The following NFIA variants were observed in gnomAD, a reference collection of about 807,000 sequenced individuals.
NFIA encodes nuclear factor I A, also known as nuclear factor 1 A-type.
In NFIA, 8 loss-of-function variants were observed where a neutral mutation model predicts 62.8. That is an observed-to-expected ratio of 0.13 (90% CI 0.07 to 0.23). The LOEUF is 0.23. Ranked by LOEUF, NFIA falls within the 10% of genes least tolerant of loss-of-function variation. The pLI is 1.00. For synonymous variants in NFIA, 235 were observed against 238.1 expected, an observed-to-expected ratio of 0.99 and a Z score of 0.12; for missense variants, 410 against 642.1, an observed-to-expected ratio of 0.64 and a Z score of 3.91.
chr1:61,403,691 A>G (rs903515752), intron 7 of NFIA, among the ~76,000 whole-genome samples: 2 of 152,230 alleles, frequency 1.3e-5, no homozygotes, highest in East Asian at 1.9e-4. Flanking sequence ...ATTATTGTCT[A>G]TGGATAGCTC....
intron 2 of NFIA, among the ~76,000 whole-genome samples, chr1:61,211,835 T>C (rs887935431): frequency 3.3e-5 from 5 of 152,190 alleles, no homozygotes; most frequent in African/African-American, 1.2e-4. Context: ...TAGCTGGGAC[T>C]ACAGGCATGC....
chr1:61,379,113 C>G (rs954404563), intron 6 of NFIA, among the ~76,000 whole-genome samples: 1 of 152,168 alleles, frequency 6.6e-6, no homozygotes, highest in African/African-American at 2.4e-5. Context: ...ATAATATAAC[C>G]TATTCACAAG....
Position 61,281,392 on chromosome 1 carries a change from G to A in NFIA, c.625+3807G>A, listed in dbSNP as rs549517896. Among the ~76,000 whole-genome samples the A allele has an allele frequency of 4.1e-4, 62 of 152,290 alleles. No individual in the cohort carries two copies. The South Asian group carries it at 0.011, about 28-fold the overall frequency. On this transcript the variant is annotated intron_variant, in intron 3 of 10. Coordinates refer to ENST00000403491, the MANE Select transcript of NFIA (RefSeq NM_001134673.4). Reference sequence around the variant, plus strand: ...TACTACCTTCCAGTTAAAGCTTGTCGTATTTACAACGAGTACGTATATTCA... The same window carrying A: ...TACTACCTTCCAGTTAAAGCTTGTCATATTTACAACGAGTACGTATATTCA...
intron 2 of NFIA, among the ~76,000 whole-genome samples, chr1:61,256,456 AAAT>A (rs1041207145): frequency 1.3e-5 from 2 of 151,238 alleles, no homozygotes; most frequent in African/African-American, 4.9e-5. Flanking sequence ...AAAAAAAAAA[AAAT>A]CTCATAATGT....
chr1:61,437,764 A>T (rs1219606246), intron 10 of NFIA, among the ~76,000 whole-genome samples: 1 of 152,156 alleles, frequency 6.6e-6, no homozygotes, highest in Non-Finnish European at 1.5e-5. Flanking sequence ...AAGGAGACAG[A>T]TATACTTGGT....
intron 3 of NFIA, among the ~76,000 whole-genome samples, chr1:61,278,598 G>A (rs1046957164): frequency 4.0e-5 from 6 of 151,870 alleles, no homozygotes; most frequent in African/African-American, 1.5e-4. Flanking sequence ...GACCAGCCTG[G>A]CCAACATGGT....
chr1:61,389,744 G>GTTT (rs10669787), intron 7 of NFIA, among the ~76,000 whole-genome samples: 2 of 148,680 alleles, frequency 1.3e-5, no homozygotes, highest in African/African-American at 2.5e-5. Context: ...ATCACACTGA[G>GTTT]TTTTTTTTTT....
chr1:61,432,474 C>T (rs1343220365), intron 10 of NFIA, among the ~76,000 whole-genome samples: 1 of 151,802 alleles, frequency 6.6e-6, no homozygotes, highest in East Asian at 1.9e-4. Context: ...CTCCTGCCCA[C>T]CCTGACAGGA....
At position 61,262,239 on chromosome 1, in the gene NFIA, C is replaced by T. The variant is rs1269939235; in HGVS notation, c.560-15281C>T. Among the ~76,000 whole-genome samples, 3 of 152,012 alleles carry T rather than the reference C, an allele frequency of 2.0e-5. No homozygotes were observed. In the South Asian group the frequency reaches 6.2e-4, roughly 32 times the overall value. On this transcript the variant is annotated intron_variant, in intron 2 of 10. Transcript: ENST00000403491. ...TGAAAATTTGTATTTTGTTTCACTCCCAATTACTGTGCAAGTACCAGCTTT... is the reference window on the plus strand; with the variant it reads ...TGAAAATTTGTATTTTGTTTCACTCTCAATTACTGTGCAAGTACCAGCTTT...
chr1:61,294,455 A>G (rs138779852), intron 3 of NFIA, among the ~76,000 whole-genome samples: 127 of 152,052 alleles, frequency 8.4e-4, no homozygotes, highest in African/African-American at 2.9e-3. Flanking sequence ...TGTTTCACCA[A>G]AAAAAAAGTT....
chr1:61,241,288 C>T (rs1399720982), intron 2 of NFIA, among the ~76,000 whole-genome samples: 1 of 152,066 alleles, frequency 6.6e-6, no homozygotes, highest in East Asian at 1.9e-4. Context: ...GCCCCTCTGA[C>T]ATTGTTTCTT....
In NFIA at chr1:61,352,563, A is replaced by G. The variant is rs756082848; in HGVS notation, c.814A>G (p.Thr272Ala). Residue 272 changes from threonine to alanine, a missense_variant, in exon 5 of 11, where the codon ACG becomes GCG. This residue lies in a region of NFIA where 298 missense variants were observed against 438.1 expected (regional missense o/e 0.68). Transcript: ENST00000403491. ...MRRSLPSTSS[T>A]SSTKRLKSVE... ...GAGGTCTTTACCCAGCACATCCTCT[A>G]CGAGGTAATTTTATTGGCAGCTCTT... The G allele has an allele frequency of 8.1e-6, 13 of 1,608,470 alleles. No individual in the cohort carries two copies. Among genetic ancestry groups the G allele is most frequent in the Non-Finnish European group, 1.0e-5 (12 of 1,175,086 alleles).
intron 2 of NFIA, among the ~76,000 whole-genome samples, chr1:61,089,931 A>G (rs1294488124): frequency 1.3e-5 from 2 of 152,104 alleles, no homozygotes; most frequent in African/African-American, 2.4e-5. Context: ...CATCATTTGC[A>G]TTCTGTTGGC....
chr1:61,186,003 T>C (rs555295983), intron 2 of NFIA, among the ~76,000 whole-genome samples: 20 of 152,230 alleles, frequency 1.3e-4, no homozygotes, highest in Non-Finnish European at 2.8e-4. Flanking sequence ...TTTTGCACTT[T>C]TCCTAATCAC....
intron 2 of NFIA, among the ~76,000 whole-genome samples, chr1:61,164,621 G>A (rs1649444282): frequency 6.6e-6 from 1 of 151,876 alleles, no homozygotes; most frequent in Admixed American, 6.6e-5. Context: ...CGCCACGCCC[G>A]GCTAATTTTT....
At chr1:61,259,739 A>C (rs1656639739) in intron 2 of NFIA, among the ~76,000 whole-genome samples, 1 of 152,216 alleles carries the variant, frequency 6.6e-6, no homozygotes, top group African/African-American at 2.4e-5. Flanking sequence ...TGGCGTAAAC[A>C]AGGTAGAAGC....
chr1:61,239,412 G>A (rs1045176261), intron 2 of NFIA, among the ~76,000 whole-genome samples: 8 of 152,034 alleles, frequency 5.3e-5, no homozygotes, highest in South Asian at 4.1e-4. Context: ...ATGAAATCTC[G>A]TTATCGGGAC....
chr1:61,302,751 T>C (rs1298089310), intron 3 of NFIA, among the ~76,000 whole-genome samples: 2 of 152,292 alleles, frequency 1.3e-5, no homozygotes, highest in East Asian at 3.9e-4. Context: ...GGAAAAAACA[T>C]CCACAAACAA....
chr1:61,093,155 T>G (rs1646349973), intron 2 of NFIA, among the ~76,000 whole-genome samples: 1 of 152,190 alleles, frequency 6.6e-6, no homozygotes, highest in Admixed American at 6.5e-5. Context: ...CAAAATATAT[T>G]CAATATATTC....
Sources: gnomAD v4.1 joint callset for allele counts (sites outside exome capture counted in the v4.1 genomes callset) on GRCh38, gnomAD v4.1.1 for gene constraint, gnomAD v4.1.1 regional missense constraint, MANE v1.5 for transcripts, NCBI Gene and HGNC (gene_info 2026-07-23, HGNC 2026-07-21) for gene names.